The following CFAP46 variants were observed in gnomAD, a reference collection of about 807,000 sequenced individuals.
CFAP46 encodes cilia and flagella associated protein 46.
In CFAP46, 245 loss-of-function variants were observed where a neutral mutation model predicts 325.7. The observed-to-expected ratio is 0.75, with a 90% confidence interval of 0.68 to 0.84. The LOEUF (loss-of-function observed/expected upper bound fraction) is 0.84, where lower values mean the gene tolerates loss of function less well. Ranked by LOEUF, CFAP46 falls within the 40% of genes least tolerant of loss-of-function variation. The pLI, the probability that CFAP46 is intolerant of heterozygous loss-of-function variation, is 0.00. For missense variants in CFAP46, 3,346 were observed against 3,543.0 expected, an observed-to-expected ratio of 0.94 and a Z score of 1.41; for synonymous variants, 1,523 against 1,495.9, an observed-to-expected ratio of 1.02 and a Z score of -0.42.
At chr10:132,885,992 C>T (rs756700307) in intron 25 of CFAP46, 33 bp from the exon 26 acceptor site, 23 of 1,543,236 alleles carry the variant, frequency 1.5e-5, no homozygotes, top group South Asian at 9.5e-5. Context: ...TCCTTGGAGC[C>T]GCCTGATCCC....
At chr10:132,885,342 C>T (rs1000140335) in intron 26 of CFAP46, 56 bp from the exon 27 acceptor site, 32 of 1,473,332 alleles carry the variant, frequency 2.2e-5, no homozygotes, top group South Asian at 1.5e-4. Flanking sequence ...GAATTTTAAA[C>T]GTGGGTGATG....
intron 22 of CFAP46, among the ~76,000 whole-genome samples, chr10:132,899,880 T>C (rs1289059466): frequency 6.6e-6 from 1 of 152,166 alleles, no homozygotes; most frequent in South Asian, 2.1e-4. Context: ...GGCAAGGGGC[T>C]CCTGGTCTTC....
chr10:132,837,948 C>CGCACGTGTGCACGGACACAGACAT, intron 44 of CFAP46, among the ~76,000 whole-genome samples: 2 of 152,172 alleles, frequency 1.3e-5, no homozygotes, highest in Non-Finnish European at 2.9e-5. Flanking sequence ...GACACAGACA[C>CGCACGTGTGCACGGACACAGACAT]GCACGTGTAC....
intron 4 of CFAP46, 129 bp downstream of exon 4, chr10:132,940,867 G>T: frequency 1.2e-6 from 1 of 860,096 alleles, no homozygotes; most frequent in Non-Finnish European, 1.9e-6. Context: ...GTGATCACAC[G>T]TGCATGAAAA....
rs1271029289 is a variant in CFAP46, at chr10:132,912,214, CCT to C, written c.2499+439_2499+440del. On this transcript the variant is annotated intron_variant, in intron 19 of 57. Coordinates refer to ENST00000368586, the MANE Select transcript of CFAP46 (RefSeq NM_001200049.3). ...TCTTTCCTCTCTCTCTCTTCCCTCT[CCT>C]CTCTCTTCTCCTCTCTCCTGTCCTC... Among the ~76,000 whole-genome samples the C allele has an allele frequency of 4.8e-5, 6 of 125,154 alleles. 1 individual carries two copies. The highest frequency in any genetic ancestry group is 8.6e-5 in the Non-Finnish European group (5 of 58,158). The allele number at this position is 125,154 out of a possible 152,430, so 82.1% of individuals were successfully genotyped here.
At chr10:132,908,705 C>G in intron 21 of CFAP46, 71 bp from the exon 22 acceptor site, 1 of 1,453,348 alleles carries the variant, frequency 6.9e-7, no homozygotes, top group Non-Finnish European at 9.1e-7. Flanking sequence ...GCAGCCCCCA[C>G]GGACCACGCA....
intron 44 of CFAP46, among the ~76,000 whole-genome samples, chr10:132,844,623 G>A (rs1848404452): frequency 6.6e-6 from 1 of 152,156 alleles, no homozygotes; most frequent in African/African-American, 2.4e-5. Context: ...GGTGACTGAT[G>A]GCTCCCACAT....
At position 132,911,463 on chromosome 10, in the gene CFAP46, C is replaced by G. The variant is rs1357564856; in HGVS notation, c.2499+1192G>C. Among the ~76,000 whole-genome samples the G allele has an allele frequency of 5.3e-5, 8 of 152,304 alleles. 1 individual carries two copies. The highest frequency in any genetic ancestry group is 1.9e-4 in the African/African-American group (8 of 41,576). ...AAGGGTGGGGACAGCTCCCCCGCCC[C>G]GTGCCCCTGCGGAGACACTCAAGGC... is the stretch of plus-strand genomic sequence containing the variant. On this transcript the variant is annotated intron_variant, in intron 19 of 57. Coordinates refer to ENST00000368586, the MANE Select transcript of CFAP46 (RefSeq NM_001200049.3).
intron 22 of CFAP46, among the ~76,000 whole-genome samples, chr10:132,903,229 G>A (rs1849413875): frequency 6.6e-6 from 1 of 152,004 alleles, no homozygotes; most frequent in Non-Finnish European, 1.5e-5. Context: ...AGCGCAGGAT[G>A]GCCTCTGGCA....
At chr10:132,937,766 G>A in intron 5 of CFAP46, 91 bp from the exon 6 acceptor site, 2 of 1,486,572 alleles carry the variant, frequency 1.3e-6, no homozygotes, top group Non-Finnish European at 1.8e-6. Context: ...CATATTTTGT[G>A]TTTCACAAAG....
intron 27 of CFAP46, among the ~76,000 whole-genome samples, chr10:132,882,343 T>A (rs1364570226): frequency 6.6e-6 from 1 of 150,536 alleles, no homozygotes; most frequent in African/African-American, 2.5e-5. Context: ...TAGTATAGGC[T>A]GTGTGGGGGT....
intron 50 of CFAP46, among the ~76,000 whole-genome samples, chr10:132,820,733 GCA>G (rs747027180): frequency 0.011 from 933 of 85,930 alleles, no homozygotes; most frequent in Non-Finnish European, 0.018. Flanking sequence ...TGCTGTGTGT[GCA>G]CTGATGTGTG....
chr10:132,898,987 A>G lies in CFAP46; in HGVS notation c.3191T>C (p.Ile1064Thr). 2 of 1,550,514 alleles carry G rather than the reference A, an allele frequency of 1.3e-6. No individual in the cohort carries two copies. The highest frequency in any genetic ancestry group is 8.7e-7 in the Non-Finnish European group (1 of 1,146,970). ...CTTTCTGGCCTCTGTCTTGTTGATG[A>G]TGCCGATGAGCCTCTTCAGGGCACC... The part of the protein sequence containing the change: ...AKGALKRLIG[I>T]INKTEARKQE... Residue 1064 changes from isoleucine to threonine, a missense_variant, in exon 24 of 58, where the codon ATC becomes ACC. By Grantham distance (89) the Ile-to-Thr change is moderately conservative. Transcript: ENST00000368586.
At chr10:132,901,444 A>G (rs1849390449) in intron 22 of CFAP46, among the ~76,000 whole-genome samples, 1 of 151,866 alleles carries the variant, frequency 6.6e-6, no homozygotes. Context: ...GCTTTATTCC[A>G]TTTGTTAGCA....
chr10:132,857,483 A>G, intron 39 of CFAP46, 107 bp downstream of exon 39: 1 of 1,120,040 alleles, frequency 8.9e-7, no homozygotes, highest in South Asian at 1.5e-5. Flanking sequence ...CTGTTATTCC[A>G]TTTCAGCTAG....
intron 22 of CFAP46, among the ~76,000 whole-genome samples, chr10:132,908,161 G>T (rs1269214950): frequency 6.6e-6 from 1 of 152,250 alleles, no homozygotes; most frequent in Non-Finnish European, 1.5e-5. Context: ...CCGGCAGGAC[G>T]GAGGCTGCCT....
rs1470181257 is a variant in CFAP46, at chr10:132,899,607, C to A, written c.2984G>T (p.Ser995Ile). Residue 995 changes from serine (S) to isoleucine (I), a missense_variant, in exon 23 of 58, where the codon AGC becomes ATC. Transcript: ENST00000368586. ...LCTATAIQGR[S>I]IMENLKGRKQ... Reference sequence around the variant, plus strand: ...CCGGCCCTTCAGGTTTTCCATGATGCTCCTGCCCTGGATGGCCGTGGCTGT... The same window carrying A: ...CCGGCCCTTCAGGTTTTCCATGATGATCCTGCCCTGGATGGCCGTGGCTGT... The A allele has an allele frequency of 6.5e-7, 1 of 1,550,224 alleles. No individual in the cohort carries two copies. Among genetic ancestry groups the A allele is most frequent in the East Asian group, 2.4e-5 (1 of 40,914 alleles).
chr10:132,914,914 C>T (rs1182283181), intron 17 of CFAP46, among the ~76,000 whole-genome samples: 1 of 152,228 alleles, frequency 6.6e-6, no homozygotes, highest in African/African-American at 2.4e-5. Context: ...CCCAAGTGAG[C>T]GTCTCCCTCT....
Position 132,828,036 on chromosome 10 carries a change from C to T in CFAP46, c.7117+5322G>A, listed in dbSNP as rs1478065541. Among the ~76,000 whole-genome samples the T allele has an allele frequency of 1.3e-5, 2 of 152,196 alleles. No individual in the cohort carries two copies. The highest frequency in any genetic ancestry group is 1.3e-4 in the Admixed American group (2 of 15,282). ...GCACCAACAGCTCGCCCCTCATTGC[C>T]GGGCAGGACCCCACCACGTGGCCGC... On this transcript the variant is annotated intron_variant, in intron 50 of 57. Coordinates refer to ENST00000368586, the MANE Select transcript of CFAP46 (RefSeq NM_001200049.3). The surrounding 1 kb of genome is among the most constrained non-coding windows in gnomAD (Gnocchi z 4.9).
Sources: allele counts gnomAD v4.1 joint callset (sites outside exome capture counted in the v4.1 genomes callset), GRCh38; gene constraint gnomAD v4.1.1; non-coding constraint Gnocchi (gnomAD v3.1); transcripts MANE v1.5; gene names NCBI Gene and HGNC (gene_info 2026-07-23, HGNC 2026-07-21).